The following FAM163A variants were observed in gnomAD, a reference collection of about 807,000 sequenced individuals.
FAM163A encodes the protein family with sequence similarity 163 member A.
A neutral mutation model predicts 12.0 loss-of-function variants in FAM163A; 7 were observed. The ratio of observed to expected loss-of-function variants is 0.58; its 90% CI spans 0.33 to 1.10. The LOEUF (loss-of-function observed/expected upper bound fraction) is 1.10. Ranked by LOEUF, FAM163A falls within the 50% of genes least tolerant of loss-of-function variation. The probability of loss-of-function intolerance (pLI) is 0.03; values close to 1 mark genes in which losing one functional copy is unlikely to be tolerated. For missense variants in FAM163A, 202 were observed against 218.6 expected (o/e 0.92, Z 0.48); for synonymous variants, 101 against 91.0 (o/e 1.11, Z -0.62).
intron 1 of FAM163A, among the ~76,000 whole-genome samples, chr1:179,754,716 G>A (rs937123783): frequency 5.9e-5 from 9 of 152,310 alleles, no homozygotes; most frequent in Middle Eastern, 6.8e-3. Flanking sequence ...AGGTTATGGC[G>A]ATGAGAGGCT....
In FAM163A at chr1:179,814,049, C is replaced by T; in HGVS notation, c.364C>T (p.Leu122Phe). 1 of 1,613,752 alleles carries T rather than the reference C, an allele frequency of 6.2e-7. No homozygotes were observed. Among genetic ancestry groups the T allele is most frequent in the Admixed American group, 1.7e-5 (1 of 59,976 alleles). The part of the protein sequence containing the change: ...MVPNGGGGER[L>F]SFAPTYYKEG... The stretch of plus-strand genomic sequence containing the variant: ...GCCCAATGGGGGTGGAGGCGAGAGG[C>T]TCTCCTTTGCTCCCACATACTACAA... The change falls in exon 5 of 5, where the codon CTC becomes TTC. Residue 122 changes from leucine (L) to phenylalanine (F), a missense_variant. Coordinates refer to ENST00000341785, the MANE Select transcript of FAM163A (RefSeq NM_173509.3).
intron 1 of FAM163A, among the ~76,000 whole-genome samples, chr1:179,780,025 C>T (rs1343244390): frequency 1.3e-5 from 2 of 152,130 alleles, no homozygotes; most frequent in East Asian, 3.8e-4. Flanking sequence ...TGAAGAATGC[C>T]CTGGCTGTGA....
intron 2 of FAM163A, among the ~76,000 whole-genome samples, chr1:179,810,077 C>T (rs781585057): frequency 6.6e-6 from 1 of 152,066 alleles, no homozygotes; most frequent in Non-Finnish European, 1.5e-5. Flanking sequence ...TTATTAAGTA[C>T]CCGGTATGTG....
At chr1:179,795,641 A>G (rs1219546594) in intron 1 of FAM163A, among the ~76,000 whole-genome samples, 6 of 152,222 alleles carry the variant, frequency 3.9e-5, no homozygotes, top group Non-Finnish European at 4.4e-5. Flanking sequence ...GTAGTCTCTT[A>G]TATGCTGTTA....
chr1:179,801,743 G>A (rs1359042933), intron 1 of FAM163A, among the ~76,000 whole-genome samples: 1 of 152,206 alleles, frequency 6.6e-6, no homozygotes, highest in African/African-American at 2.4e-5. Context: ...CAGGATGGAA[G>A]GCTCTGTGTG....
rs116062827 is a variant in FAM163A, at chr1:179,773,890, A to G, written c.-136+30467A>G. Reference sequence around the variant, plus strand: ...TGAGAAAGCACCGGTATTCGCAGGCATGTTGCCCACTAAACAGAGAATGAA... The same window carrying G: ...TGAGAAAGCACCGGTATTCGCAGGCGTGTTGCCCACTAAACAGAGAATGAA... On this transcript the variant is annotated intron_variant, in intron 1 of 4. Coordinates refer to ENST00000341785, the MANE Select transcript of FAM163A (RefSeq NM_173509.3). Among the ~76,000 whole-genome samples the G allele has an allele frequency of 2.9e-3, 442 of 152,358 alleles. 5 individuals carry two copies. The highest frequency in any genetic ancestry group is 1.0e-2 in the African/African-American group (415 of 41,582).
At chr1:179,742,983 A>T (rs1309265167), upstream of FAM163A, among the ~76,000 whole-genome samples, 3 of 152,142 alleles carry the variant, frequency 2.0e-5, no homozygotes, top group Non-Finnish European at 4.4e-5. Flanking sequence ...TAAGATTCTC[A>T]TGCTCTCCGA....
chr1:179,783,670 G>A (rs369765283), intron 1 of FAM163A, among the ~76,000 whole-genome samples: 6 of 144,892 alleles, frequency 4.1e-5, no homozygotes, highest in African/African-American at 1.0e-4. Flanking sequence ...TGTATTAACC[G>A]TCAGCCACTA....
intron 1 of FAM163A, among the ~76,000 whole-genome samples, chr1:179,775,357 C>A (rs1446115241): frequency 1.3e-5 from 2 of 152,226 alleles, no homozygotes; most frequent in African/African-American, 4.8e-5. Context: ...TACAATCAGT[C>A]TGATTGGTTG....
intron 1 of FAM163A, among the ~76,000 whole-genome samples, chr1:179,761,023 A>G (rs1168642930): frequency 3.9e-5 from 6 of 152,258 alleles, no homozygotes; most frequent in African/African-American, 1.4e-4. Context: ...AACATAATTC[A>G]TATCAACTGA....
chr1:179,738,683 G>GA (rs1399913203), upstream of FAM163A, among the ~76,000 whole-genome samples: 1 of 152,020 alleles, frequency 6.6e-6, no homozygotes, highest in Non-Finnish European at 1.5e-5. Flanking sequence ...AAAATTCTCA[G>GA]AAAAATACAA....
intron 1 of FAM163A, among the ~76,000 whole-genome samples, chr1:179,779,804 G>A (rs566986711): frequency 6.9e-4 from 105 of 152,328 alleles, no homozygotes; most frequent in Admixed American, 2.3e-3. Flanking sequence ...TGATAAAGTG[G>A]AGGATATGTT....
intron 1 of FAM163A, among the ~76,000 whole-genome samples, chr1:179,766,322 C>T (rs1181103866): frequency 6.6e-6 from 1 of 152,196 alleles, no homozygotes; most frequent in Non-Finnish European, 1.5e-5. Flanking sequence ...GGTCATGAGA[C>T]CCCCCATTCC....
chr1:179,767,559 ACTC>A (rs1687679274), intron 1 of FAM163A, among the ~76,000 whole-genome samples: 1 of 152,052 alleles, frequency 6.6e-6, no homozygotes, highest in South Asian at 2.1e-4. Context: ...CCTGAGGACA[ACTC>A]AGCCCTTGAT....
chr1:179,758,785 C>T (rs1337799817), intron 1 of FAM163A, among the ~76,000 whole-genome samples: 2 of 152,196 alleles, frequency 1.3e-5, no homozygotes, highest in African/African-American at 2.4e-5. Flanking sequence ...ATCCTCCACC[C>T]CTGGGGCTGC....
At position 179,792,418 on chromosome 1, in the gene FAM163A, T is replaced by TA. The variant is rs777370697; in HGVS notation, c.-135-15379dup. On this transcript the variant is annotated intron_variant, in intron 1 of 4. Transcript: ENST00000341785. Reference sequence around the variant, plus strand: ...GCTTAGCCTCCCAAAGTGGTGGGATTATAGGCATGAACCACTGCTCCTGGA... The same window carrying TA: ...GCTTAGCCTCCCAAAGTGGTGGGATTAATAGGCATGAACCACTGCTCCTGGA... Among the ~76,000 whole-genome samples, 62 of 152,174 alleles carry TA rather than the reference T, an allele frequency of 4.1e-4. No homozygotes were observed. The South Asian group carries it at 4.4e-3, about 11-fold the overall frequency.
At chr1:179,768,953 AGC>A (rs2148098511) in intron 1 of FAM163A, among the ~76,000 whole-genome samples, 1 of 151,870 alleles carries the variant, frequency 6.6e-6, no homozygotes, top group African/African-American at 2.4e-5. Context: ...CATTTGTTTC[AGC>A]GCATTAATGG....
the FAM163A span, among the ~76,000 whole-genome samples, chr1:179,732,065 A>G: frequency 6.6e-6 from 1 of 152,246 alleles, no homozygotes; most frequent in African/African-American, 2.4e-5. Flanking sequence ...GAGAAAGTTA[A>G]ATATGGAAGC....
chr1:179,739,746 T>C (rs1180117090), upstream of FAM163A, among the ~76,000 whole-genome samples: 1 of 152,112 alleles, frequency 6.6e-6, no homozygotes, highest in African/African-American at 2.4e-5. Flanking sequence ...AAACAGAGAT[T>C]TCACCAAAGA....
Sources: gnomAD v4.1 joint callset for allele counts (sites outside exome capture counted in the v4.1 genomes callset) on GRCh38, gnomAD v4.1.1 for gene constraint, MANE v1.5 for transcripts, NCBI Gene and HGNC (gene_info 2026-07-23, HGNC 2026-07-21) for gene names.